HTR4: variants seen among roughly 807,000 people sequenced by gnomAD.
The protein encoded by HTR4 is 5-hydroxytryptamine receptor 4.
A neutral mutation model predicts 36.8 loss-of-function variants in HTR4; 16 were observed. That is an observed-to-expected ratio of 0.43 (90% CI 0.29 to 0.66). HTR4 has a LOEUF of 0.66. Among genes scored for constraint, HTR4 ranks in the 30% least tolerant of loss-of-function variants. The probability of loss-of-function intolerance (pLI) is 0.13; values close to 1 mark genes in which losing one functional copy is unlikely to be tolerated. For missense variants in HTR4, 438 were observed against 490.9 expected (o/e 0.89, Z 1.02); for synonymous variants, 189 against 185.1 (o/e 1.02, Z -0.17).
At chr5:148,511,420 C>T (rs2113775164) in intron 5 of HTR4, among the ~76,000 whole-genome samples, 1 of 152,106 alleles carries the variant, frequency 6.6e-6, no homozygotes, top group African/African-American at 2.4e-5. Flanking sequence ...AATAATAAAA[C>T]ACACAATCTG....
downstream of HTR4, among the ~76,000 whole-genome samples, chr5:148,474,775 T>C (rs55643339): frequency 1.3e-3 from 196 of 152,274 alleles, no homozygotes; most frequent in African/African-American, 4.6e-3. Context: ...GGCTCTGCTG[T>C]TTATAACTTG....
chr5:148,530,055 T>C (rs1758479466), intron 4 of HTR4, among the ~76,000 whole-genome samples: 1 of 152,182 alleles, frequency 6.6e-6, no homozygotes, highest in South Asian at 2.1e-4. Flanking sequence ...CAGCAAAGCA[T>C]TCAAGAGGTG....
At chr5:148,585,952 C>T (rs921749537) in intron 2 of HTR4, among the ~76,000 whole-genome samples, 9 of 152,088 alleles carry the variant, frequency 5.9e-5, no homozygotes, top group African/African-American at 2.2e-4. Context: ...GGCCTTCATC[C>T]CTAGTTTTAT....
chr5:148,490,913 T>A (rs1261633495), intron 6 of HTR4: 11 of 446,538 alleles, frequency 2.5e-5, no homozygotes, highest in Non-Finnish European at 4.9e-5. Context: ...CATCCCCAGT[T>A]CCTTCTACTG....
At chr5:148,631,661 A>T (rs1378866744) in intron 2 of HTR4, among the ~76,000 whole-genome samples, 1 of 152,158 alleles carries the variant, frequency 6.6e-6, no homozygotes, top group Non-Finnish European at 1.5e-5. Flanking sequence ...TGTTTAAAAA[A>T]TTTCTATCTT....
chr5:148,615,433 A>G lies in HTR4; in HGVS notation c.26+21556T>C, dbSNP rs1286467717. On this transcript the variant is annotated intron_variant, in intron 2 of 6. Coordinates refer to ENST00000377888, the MANE Select transcript of HTR4 (RefSeq NM_000870.7). ...TTCTCAGTAAACTATCACAAGAACA[A>G]AAAACCAAACACTGCATATTCTCAC... Among the ~76,000 whole-genome samples, 4 of 150,092 alleles carry G rather than the reference A, an allele frequency of 2.7e-5. No homozygotes were observed. The East Asian group carries it at 7.9e-4, about 30-fold the overall frequency.
At chr5:148,585,541 A>G (rs1186178215) in intron 2 of HTR4, among the ~76,000 whole-genome samples, 1 of 152,158 alleles carries the variant, frequency 6.6e-6, no homozygotes, top group East Asian at 1.9e-4. Context: ...TCCTGTTCTC[A>G]CGGGATTTAT....
chr5:148,540,402 A>G (rs186007287), intron 4 of HTR4, among the ~76,000 whole-genome samples: 2,326 of 7,126 alleles, frequency 0.33, 87 homozygotes, highest in South Asian at 0.43. Flanking sequence ...ATGTGTGTGT[A>G]TATATATATA....
chr5:148,534,183 C>T (rs559591601), intron 4 of HTR4, among the ~76,000 whole-genome samples: 1 of 152,322 alleles, frequency 6.6e-6, no homozygotes, highest in Non-Finnish European at 1.5e-5. Flanking sequence ...TTGGCAAAAC[C>T]TTCCAACTGG....
chr5:148,481,522 T>C (rs184374791), downstream of HTR4: 1,785 of 1,505,402 alleles, frequency 1.2e-3, 22 homozygotes, highest in African/African-American at 3.1e-3. Context: ...TAAGTCTTCA[T>C]AGGACAGAGA....
At chr5:148,501,443 A>G (rs1198806325) in intron 6 of HTR4, among the ~76,000 whole-genome samples, 1 of 152,222 alleles carries the variant, frequency 6.6e-6, no homozygotes, top group African/African-American at 2.4e-5. Flanking sequence ...ATATTTCTTC[A>G]ATTCATCTGA....
intron 2 of HTR4, among the ~76,000 whole-genome samples, chr5:148,565,003 G>A (rs775116327): frequency 1.3e-5 from 2 of 151,448 alleles, no homozygotes; most frequent in Admixed American, 6.6e-5. Context: ...CCAGCTACTC[G>A]GGAGGTTGAG....
downstream of HTR4, among the ~76,000 whole-genome samples, chr5:148,479,905 T>C (rs572531122): frequency 6.6e-6 from 1 of 152,326 alleles, no homozygotes; most frequent in East Asian, 1.9e-4. Context: ...AATTAAGTTG[T>C]TAGCTAAAAT....
intron 2 of HTR4, among the ~76,000 whole-genome samples, chr5:148,604,531 T>C (rs909085242): frequency 1.3e-5 from 2 of 152,058 alleles, no homozygotes; most frequent in South Asian, 2.1e-4. Context: ...TGGGTACACA[T>C]ATGCAAGAAA....
chr5:148,566,141 T>A (rs1760429319), intron 2 of HTR4, among the ~76,000 whole-genome samples: 1 of 152,184 alleles, frequency 6.6e-6, no homozygotes, highest in African/African-American at 2.4e-5. Flanking sequence ...ACATAAACAA[T>A]TTATTAATAC....
At chr5:148,464,453 CAAAGAAG>C (rs1755370486) in intron 5 of HTR4, among the ~76,000 whole-genome samples, 1 of 152,066 alleles carries the variant, frequency 6.6e-6, no homozygotes, top group Non-Finnish European at 1.5e-5. Flanking sequence ...GACATCTCAT[CAAAGAAG>C]ATATTTAGAT....
intron 2 of HTR4, among the ~76,000 whole-genome samples, chr5:148,611,388 A>C (rs1439731159): frequency 3.3e-5 from 5 of 150,010 alleles, no homozygotes; most frequent in Non-Finnish European, 4.5e-5. Flanking sequence ...TTCTTAAAGA[A>C]AAGAATTTTC....
intron 4 of HTR4, among the ~76,000 whole-genome samples, chr5:148,524,725 T>A (rs1758180447): frequency 6.6e-6 from 1 of 152,220 alleles, no homozygotes; most frequent in Non-Finnish European, 1.5e-5. Context: ...TAAGGTTTTA[T>A]ACCATTTAAT....
At chr5:148,474,467 G>A (rs779679728), downstream of HTR4, among the ~76,000 whole-genome samples, 9 of 152,136 alleles carry the variant, frequency 5.9e-5, no homozygotes, top group African/African-American at 9.6e-5. Flanking sequence ...ATGAAATGAC[G>A]TAACCCCCCT....
Sources: allele counts gnomAD v4.1 joint callset (sites outside exome capture counted in the v4.1 genomes callset), GRCh38; gene constraint gnomAD v4.1.1; transcripts MANE v1.5; gene names NCBI Gene and HGNC (gene_info 2026-07-23, HGNC 2026-07-21).